F5: variants seen among roughly 807,000 people sequenced by gnomAD.
F5 encodes the protein activated protein c cofactor.
A neutral mutation model predicts 216.4 loss-of-function variants in F5; 138 were observed. That is an observed-to-expected ratio of 0.64 (90% CI 0.56 to 0.73). The LOEUF (loss-of-function observed/expected upper bound fraction) is 0.73. F5 is among the 30% of genes least tolerant of loss of function. The pLI is 0.00. For missense variants in F5, 2,403 were observed against 2,674.0 expected (o/e 0.90, Z 2.24); for synonymous variants, 916 against 930.7 (o/e 0.98, Z 0.29).
At chr1:169,556,425 T>A (rs200992111) in intron 6 of F5, among the ~76,000 whole-genome samples, 4 of 58,912 alleles carry the variant, frequency 6.8e-5, no homozygotes, top group African/African-American at 2.7e-4. Flanking sequence ...TTTGCTTAAT[T>A]AAAAAAAAAA....
rs577833625 is a variant in F5, at chr1:169,520,345, C to A, written c.6193+175G>T. Among the ~76,000 whole-genome samples the A allele has an allele frequency of 2.0e-5, 3 of 152,276 alleles. No individual in the cohort carries two copies. The East Asian group carries it at 5.8e-4, about 29-fold the overall frequency. On this transcript the variant is annotated intron_variant, in intron 22 of 24. Transcript: ENST00000367797. The stretch of plus-strand genomic sequence containing the variant: ...CTGTCGGCACTCTGATTGGCAGAAC[C>A]ATTCTTGGTCTAGATCACACTGAGA...
chr1:169,528,688 T>G (rs9332624), intron 16 of F5, among the ~76,000 whole-genome samples: 15,200 of 152,162 alleles, frequency 0.1, 2,002 homozygotes, highest in East Asian at 0.63. Context: ...AGGCTTTATC[T>G]ACTCTCCCCA....
At chr1:169,514,854 G>A (rs1448792902) in intron 24 of F5, among the ~76,000 whole-genome samples, 1 of 152,120 alleles carries the variant, frequency 6.6e-6, no homozygotes, top group East Asian at 1.9e-4. Context: ...TGGAGCAGCT[G>A]CAAAACCATT....
chr1:169,542,462 T>C lies in F5; in HGVS notation c.2628A>G (p.Ala876=). The change falls in exon 13 of 25, where the codon GCA becomes GCG. Residue 876 remains alanine (A), a synonymous_variant. Transcript: ENST00000367797. The part of the protein sequence containing the change: ...KGPKVERDQA[A]KHRFSWMKLL... ...ATTTCATCCAGGAGAACCTGTGCTT[T>C]GCTGCTTGATCTCTTTCTACCTTGG... 6.2e-7 allele frequency: 1 copy of C among 1,614,152 alleles called. No homozygotes were observed. The highest frequency in any genetic ancestry group is 8.5e-7 in the Non-Finnish European group (1 of 1,180,010).
chr1:169,566,944 C>T (rs1035842711), intron 3 of F5, among the ~76,000 whole-genome samples: 2 of 151,992 alleles, frequency 1.3e-5, no homozygotes, highest in African/African-American at 4.8e-5. Context: ...TCTGGTAACA[C>T]ATGTGAGTAA....
Position 169,540,549 on chromosome 1 carries a change from C to T in F5, c.4541G>A (p.Gly1514Asp). 3 of 1,613,914 alleles carry T rather than the reference C, an allele frequency of 1.9e-6. No homozygotes were observed. The South Asian group carries it at 3.3e-5, about 18-fold the overall frequency. The change falls in exon 13 of 25, where the codon GGC becomes GAC. Residue 1514 changes from glycine (G) to aspartate (D), a missense_variant. Gly to Asp is a moderately conservative substitution (Grantham distance 94). Around this residue, in one of 4 missense-constraint regions of F5, gnomAD observed 293 missense variants for 270.8 expected, o/e 1.08. Transcript: ENST00000367797. ...GTAATCTGTACCATCTTTACTGAGG[C>T]CCACTATAACCAGTGGATTAAATTC... ...SKEFNPLVIV[G>D]LSKDGTDYIE...
At position 169,518,543 on chromosome 1, in the gene F5, T is replaced by C. The variant is rs1160711163; in HGVS notation, c.6214A>G (p.Met2072Val). The part of the protein sequence containing the change: ...EVNGCSTPLG[M>V]ENGKIENKQI... ...TTGTTTTCTATCTTTCCATTTTCCA[T>C]ACCCAGGGGTGTGGAACATCCTATC... The change falls in exon 23 of 25, where the codon ATG becomes GTG. Residue 2072 changes from methionine (M) to valine (V), a missense_variant. Coordinates refer to ENST00000367797, the MANE Select transcript of F5 (RefSeq NM_000130.5). 1 of 1,613,848 alleles carries C rather than the reference T, an allele frequency of 6.2e-7. No homozygotes were observed. The highest frequency in any genetic ancestry group is 2.2e-5 in the East Asian group (1 of 44,860).
At chr1:169,516,673 T>C (rs564842264) in intron 23 of F5, among the ~76,000 whole-genome samples, 2 of 152,316 alleles carry the variant, frequency 1.3e-5, no homozygotes, top group East Asian at 1.9e-4. Flanking sequence ...AGCTAGAGGT[T>C]TTCACAGGCA....
At chr1:169,557,016 T>C (rs529439181) in intron 5 of F5, 149 bp from the exon 6 acceptor site, 326 of 712,006 alleles carry the variant, frequency 4.6e-4, no homozygotes, top group African/African-American at 1.6e-3. Context: ...TTGTAGTTTG[T>C]GCCCTGCAAA....
chr1:169,544,539 G>A (rs1365085964), intron 11 of F5, 31 bp from the exon 12 acceptor site: 1 of 1,581,758 alleles, frequency 6.3e-7, no homozygotes, highest in Non-Finnish European at 8.7e-7. Context: ...AAAATTCCAA[G>A]TCTATGCCAA....
intron 10 of F5, 59 bp from the exon 11 acceptor site, chr1:169,546,651 G>C (rs1472865196): frequency 4.7e-6 from 7 of 1,490,144 alleles, no homozygotes; most frequent in Non-Finnish European, 6.6e-6. Context: ...CAATGGAACA[G>C]AATAGAGAAC....
At chr1:169,576,202 T>C (rs553802601) in intron 2 of F5, among the ~76,000 whole-genome samples, 8 of 152,214 alleles carry the variant, frequency 5.3e-5, no homozygotes, top group Non-Finnish European at 1.2e-4. Context: ...CATAAAAGAA[T>C]AAATTTGTGT....
At position 169,549,914 on chromosome 1, in the gene F5, A is replaced by C. The variant is rs1571581722; in HGVS notation, c.1498T>G (p.Cys500Gly). 1.7e-5 allele frequency: 28 copies of C among 1,614,154 alleles called. No individual in the cohort carries two copies. The highest frequency in any genetic ancestry group is 2.2e-5 in the Non-Finnish European group (26 of 1,180,002). Residue 500 changes from cysteine (C) to glycine (G), a missense_variant, in exon 10 of 25, where the codon TGC becomes GGC. By Grantham distance (159) the Cys-to-Gly change is radical (BLOSUM62 -3). Around this residue, in one of 4 missense-constraint regions of F5, gnomAD observed 1,425 missense variants for 1,554.8 expected, o/e 0.92. Transcript: ENST00000367797. ...FDEPTENDAQ[C>G]LTRPYYSDVD... ...TCACTGTAGTATGGTCTTGTTAAGC[A>C]CTGGGCATCATTTTCTGTGGGTTCA...
chr1:169,534,165 T>G (rs1448138265), intron 14 of F5, among the ~76,000 whole-genome samples: 2 of 152,108 alleles, frequency 1.3e-5, no homozygotes, highest in Non-Finnish European at 2.9e-5. Context: ...CCCACTCACG[T>G]GGACCCTCTT....
At chr1:169,576,498 A>G (rs1660852666) in intron 2 of F5, among the ~76,000 whole-genome samples, 1 of 152,220 alleles carries the variant, frequency 6.6e-6, no homozygotes, top group Admixed American at 6.5e-5. Context: ...GACTTGCCCA[A>G]GGTCAGTCAG....
Position 169,572,302 on chromosome 1 carries a change from T to C in F5, c.292A>G (p.Ile98Val). Residue 98 changes from isoleucine (I) to valine (V), a missense_variant, in exon 3 of 25, where the codon ATA becomes GTA. Ile to Val is a conservative substitution (Grantham distance 29). This residue lies in a region of F5 where 1,425 missense variants were observed against 1,554.8 expected (regional missense o/e 0.92). Transcript: ENST00000367797. ...PTLYAEVGDIIKVHFKNKADK... is the reference protein window; with the variant it reads ...PTLYAEVGDIVKVHFKNKADK... The stretch of plus-strand genomic sequence containing the variant: ...GCCTTATTTTTAAAGTGAACTTTTA[T>C]GATGTCTCCGACTTCAGCATATAAA... 6.2e-7 allele frequency: 1 copy of C among 1,613,408 alleles called. No homozygotes were observed. Among genetic ancestry groups the C allele is most frequent in the Non-Finnish European group, 8.5e-7 (1 of 1,179,658 alleles).
Position 169,515,456 on chromosome 1 carries a change from G to A in F5, c.6516C>T (p.Ser2172=), listed in dbSNP as rs780625444. Residue 2172 remains serine (S), a synonymous_variant, in exon 24 of 25, where the codon TCC becomes TCT. Transcript: ENST00000367797. Reference sequence around the variant, plus strand: ...GATGCCACTCTACCTTGTCCACCATGGAGGATTTCAGCCTGTATGGTTTCC... The same window carrying A: ...GATGCCACTCTACCTTGTCCACCATAGAGGATTTCAGCCTGTATGGTTTCC... ...VEWKPYRLKS[S]MVDKIFEGNT... 62 of 1,613,168 alleles carry A rather than the reference G, an allele frequency of 3.8e-5. No individual in the cohort carries two copies. Among genetic ancestry groups the A allele is most frequent in the Non-Finnish European group, 5.0e-5 (59 of 1,179,556 alleles).
chr1:169,557,372 G>A (rs1278121701), intron 5 of F5, among the ~76,000 whole-genome samples: 5 of 152,252 alleles, frequency 3.3e-5, no homozygotes, highest in South Asian at 2.1e-4. Context: ...TGTAGTGGTC[G>A]AAGCTCTGCC....
intron 2 of F5, 22 bp downstream of exon 2, chr1:169,582,409 A>G (rs1194773052): frequency 2.3e-6 from 3 of 1,318,022 alleles, no homozygotes; most frequent in Non-Finnish European, 2.1e-6. Flanking sequence ...TTTAAAATTA[A>G]AAAAGTATAT....
Sources: gnomAD v4.1 joint callset for allele counts (sites outside exome capture counted in the v4.1 genomes callset) on GRCh38, gnomAD v4.1.1 for gene constraint, gnomAD v4.1.1 regional missense constraint, MANE v1.5 for transcripts, NCBI Gene and HGNC (gene_info 2026-07-23, HGNC 2026-07-21) for gene names.